The following CSMD3 variants were observed in gnomAD, a reference collection of about 807,000 sequenced individuals.
CSMD3 encodes the protein CUB and sushi domain-containing protein 3.
Under a neutral mutation model 435.2 loss-of-function variants are expected in CSMD3, and 177 were observed. The observed-to-expected ratio is 0.41, with a 90% CI of 0.36 to 0.46. The LOEUF is 0.46. CSMD3 is among the 20% of genes least tolerant of loss of function. CSMD3 has a pLI of 0.34. For synonymous variants in CSMD3, 1,656 were observed against 1,520.5 expected (o/e 1.09, Z -2.07); for missense variants, 4,265 against 4,504.6 (o/e 0.95, Z 1.52).
chr8:112,271,866 T>G (rs1377818191), intron 59 of CSMD3, among the ~76,000 whole-genome samples: 1 of 152,204 alleles, frequency 6.6e-6, no homozygotes, highest in Admixed American at 6.5e-5. Context: ...TCAAAATTCA[T>G]GTGCTAATTT....
At chr8:112,511,049 C>T (rs1823066599) in intron 28 of CSMD3, among the ~76,000 whole-genome samples, 1 of 152,030 alleles carries the variant, frequency 6.6e-6, no homozygotes, top group Admixed American at 6.6e-5. Flanking sequence ...TACAGGCATA[C>T]GTTAGGGATA....
chr8:112,290,605 CA>C (rs1229164200), intron 56 of CSMD3, among the ~76,000 whole-genome samples: 4 of 143,620 alleles, frequency 2.8e-5, no homozygotes, highest in Middle Eastern at 3.5e-3. Context: ...AATGTTGTCA[CA>C]AAATGTTCAT....
chr8:113,099,171 A>G (rs1311955790), intron 4 of CSMD3, among the ~76,000 whole-genome samples: 1 of 152,102 alleles, frequency 6.6e-6, no homozygotes, highest in Non-Finnish European at 1.5e-5. Flanking sequence ...TATCTTAACA[A>G]TTTTATAACA....
rs373307871 is a variant in CSMD3 at position 112,737,741 on chromosome 8, A to G, written c.1973-47691T>C. Among the ~76,000 whole-genome samples the G allele has an allele frequency of 1.4e-4, 21 of 152,000 alleles. 1 individual carries two copies. The South Asian group carries it at 4.4e-3, about 31-fold the overall frequency. ...TAAAAACAAATCTGGACAACATAAC[A>G]GCTGACCCTGATTTCTTAGGACTGA... On this transcript the variant is annotated intron_variant, in intron 13 of 70. Transcript: ENST00000297405.
chr8:113,102,080 A>T (rs942840267), intron 4 of CSMD3, among the ~76,000 whole-genome samples: 3 of 152,152 alleles, frequency 2.0e-5, no homozygotes, highest in Non-Finnish European at 4.4e-5. Flanking sequence ...TTTCTGCTAA[A>T]TACCATGGCT....
intron 3 of CSMD3, among the ~76,000 whole-genome samples, chr8:113,210,237 G>T (rs1282292225): frequency 6.6e-6 from 1 of 151,898 alleles, no homozygotes; most frequent in Non-Finnish European, 1.5e-5. Flanking sequence ...AGAAATTTCA[G>T]CGTGATCCTG....
intron 4 of CSMD3, among the ~76,000 whole-genome samples, chr8:113,124,013 C>T (rs906899703): frequency 6.6e-6 from 1 of 151,994 alleles, no homozygotes; most frequent in Non-Finnish European, 1.5e-5. Flanking sequence ...CCCCCAAAAA[C>T]TCATTATCCA....
rs117831122 is a variant in CSMD3 at position 113,071,105 on chromosome 8, T to C, written c.917+27651A>G. ...TGCCTTTTCCTAAACTTCTTGATCA[T>C]TGGTATGTCCTCACTTGGGAAATAT... On this transcript the variant is annotated intron_variant, in intron 5 of 70. Coordinates refer to ENST00000297405, the MANE Select transcript of CSMD3 (RefSeq NM_198123.2). Among the ~76,000 whole-genome samples, 685 of 152,108 alleles carry C rather than the reference T, an allele frequency of 4.5e-3. 4 individuals carry two copies. Among genetic ancestry groups the C allele is most frequent in the Non-Finnish European group, 6.6e-3 (449 of 67,932 alleles).
At chr8:112,666,584 A>AT (rs2075531920) in intron 16 of CSMD3, among the ~76,000 whole-genome samples, 169 bp from the exon 17 acceptor site, 1 of 152,152 alleles carries the variant, frequency 6.6e-6, no homozygotes, top group Admixed American at 6.6e-5. Flanking sequence ...TTAAATGATT[A>AT]TTTTTCTAAA....
chr8:113,080,059 G>C (rs2089494345), intron 5 of CSMD3, among the ~76,000 whole-genome samples: 1 of 151,994 alleles, frequency 6.6e-6, no homozygotes, highest in Non-Finnish European at 1.5e-5. Context: ...TCTCTCTTAG[G>C]GGAAGGACAG....
At chr8:113,223,209 C>G (rs2092989853) in intron 3 of CSMD3, among the ~76,000 whole-genome samples, 1 of 150,186 alleles carries the variant, frequency 6.7e-6, no homozygotes, top group South Asian at 2.1e-4. Context: ...TTAATATTTA[C>G]TAATATTACT....
intron 3 of CSMD3, among the ~76,000 whole-genome samples, chr8:113,196,290 A>C (rs1338702032): frequency 6.6e-6 from 1 of 151,250 alleles, no homozygotes; most frequent in Non-Finnish European, 1.5e-5. Flanking sequence ...ATTATGCATA[A>C]AAACTCACTG....
chr8:112,243,986 A>G (rs187381897), intron 65 of CSMD3, among the ~76,000 whole-genome samples: 28 of 152,268 alleles, frequency 1.8e-4, no homozygotes, highest in Admixed American at 1.7e-3. Flanking sequence ...GAAGAGGCAA[A>G]GAATGGTTTC....
At chr8:112,244,361 T>C (rs1372728760) in intron 65 of CSMD3, 33 bp downstream of exon 65, 3 of 1,562,504 alleles carry the variant, frequency 1.9e-6, no homozygotes, top group Non-Finnish European at 2.6e-6. Context: ...GTGCAATCTC[T>C]TGTGTTAAAA....
intron 1 of CSMD3, among the ~76,000 whole-genome samples, chr8:113,382,593 T>A (rs887676354): frequency 6.6e-6 from 1 of 152,184 alleles, no homozygotes; most frequent in African/African-American, 2.4e-5. Context: ...AGAGTAATCT[T>A]GAATGAGGAA....
intron 23 of CSMD3, among the ~76,000 whole-genome samples, chr8:112,583,248 T>C (rs147708805): frequency 5.9e-5 from 9 of 152,132 alleles, no homozygotes; most frequent in African/African-American, 2.2e-4. Context: ...AACTAGTTTC[T>C]ATCTACTGAA....
intron 23 of CSMD3, 95 bp downstream of exon 23, chr8:112,586,971 C>T (rs552875804): frequency 3.8e-6 from 3 of 795,430 alleles, no homozygotes; most frequent in East Asian, 2.7e-5. Context: ...ATACTATATA[C>T]ATACACATAT....
intron 38 of CSMD3, among the ~76,000 whole-genome samples, chr8:112,355,722 A>C (rs960053228): frequency 2.0e-5 from 3 of 151,982 alleles, no homozygotes; most frequent in African/African-American, 7.3e-5. Flanking sequence ...AGTCCCAGCT[A>C]CTCGGGAGGC....
At chr8:113,006,626 G>A (rs1403583078) in intron 6 of CSMD3, among the ~76,000 whole-genome samples, 1 of 151,948 alleles carries the variant, frequency 6.6e-6, no homozygotes, top group Non-Finnish European at 1.5e-5. Context: ...GAGAGCATCT[G>A]TGTTGGGATA....
Sources: allele counts gnomAD v4.1 joint callset (sites outside exome capture counted in the v4.1 genomes callset), GRCh38; gene constraint gnomAD v4.1.1; transcripts MANE v1.5; gene names NCBI Gene and HGNC (gene_info 2026-07-23, HGNC 2026-07-21).